Variants in NUDT13 observed in about 807,000 individuals in gnomAD.
The protein encoded by NUDT13 is NAD(P)H pyrophosphatase NUDT13, mitochondrial.
In NUDT13, 40 loss-of-function variants were observed where a neutral mutation model predicts 41.7. The observed-to-expected ratio is 0.96, with a 90% CI of 0.75 to 1.25. The LOEUF (loss-of-function observed/expected upper bound fraction) is 1.25. NUDT13 is among the 50% of genes most tolerant of loss of function. The probability of loss-of-function intolerance (pLI) is 0.00; values close to 1 mark genes in which losing one functional copy is unlikely to be tolerated. For synonymous variants in NUDT13, 145 were observed against 155.5 expected (o/e 0.93, Z 0.50); for missense variants, 390 against 416.1 (o/e 0.94, Z 0.55).
rs373709719 is a variant in NUDT13 at position 73,122,249 on chromosome 10, G to A, written c.298G>A (p.Glu100Lys). The stretch of plus-strand genomic sequence containing the variant: ...AGATTCTGTGCTGATTGGATGCTCT[G>A]AGCAGCAGGAAGCATGGTTTGCTCT... ...IEDSVLIGCS[E>K]QQEAWFALDL... Residue 100 changes from glutamate (E) to lysine (K), a missense_variant, in exon 4 of 9, where the codon GAG becomes AAG. Coordinates refer to ENST00000357321, the MANE Select transcript of NUDT13 (RefSeq NM_015901.6). 21 of 1,613,918 alleles carry A rather than the reference G, an allele frequency of 1.3e-5. No individual in the cohort carries two copies. In the South Asian group the frequency reaches 2.3e-4, roughly 18 times the overall value.
chr10:73,121,784 C>G (rs994326501), intron 3 of NUDT13, among the ~76,000 whole-genome samples: 1 of 152,122 alleles, frequency 6.6e-6, no homozygotes, highest in Non-Finnish European at 1.5e-5. Flanking sequence ...GTCCCAAACT[C>G]CTGGCCTCAA....
chr10:73,121,118 A>T (rs1249681876), intron 3 of NUDT13, among the ~76,000 whole-genome samples: 2 of 152,122 alleles, frequency 1.3e-5, no homozygotes, highest in Non-Finnish European at 2.9e-5. Context: ...TCATGCCTGT[A>T]ATCCCAGCAC....
At chr10:73,124,460 A>T in intron 5 of NUDT13, 140 bp downstream of exon 5, 1 of 623,360 alleles carries the variant, frequency 1.6e-6, no homozygotes, top group Non-Finnish European at 2.9e-6. Flanking sequence ...CTGGCAGGAC[A>T]ATGTGCTGTA....
intron 4 of NUDT13, 23 bp downstream of exon 4, chr10:73,122,332 G>C (rs766741945): frequency 1.3e-6 from 2 of 1,593,682 alleles, no homozygotes; most frequent in Non-Finnish European, 1.7e-6. Flanking sequence ...ATTCCTAACG[G>C]GTACTTCCCA....
At chr10:73,112,628 C>T (rs1395979817) in intron 1 of NUDT13, among the ~76,000 whole-genome samples, 1 of 151,772 alleles carries the variant, frequency 6.6e-6, no homozygotes, top group African/African-American at 2.4e-5. Flanking sequence ...CATCACCTCA[C>T]ATTTTTTGTG....
intron 1 of NUDT13, among the ~76,000 whole-genome samples, chr10:73,111,264 C>T (rs1008614445): frequency 2.6e-5 from 4 of 152,166 alleles, no homozygotes; most frequent in African/African-American, 9.7e-5. Flanking sequence ...AGACGTGAGC[C>T]ACCGCGCCCG....
At chr10:73,123,820 A>G (rs968235461) in intron 4 of NUDT13, among the ~76,000 whole-genome samples, 1 of 150,802 alleles carries the variant, frequency 6.6e-6, no homozygotes, top group Non-Finnish European at 1.5e-5. Context: ...CACCAAGCCC[A>G]GCTAATTTTT....
chr10:73,127,327 T>C (rs868070836), intron 8 of NUDT13, among the ~76,000 whole-genome samples: 30 of 151,590 alleles, frequency 2.0e-4, no homozygotes, highest in Admixed American at 6.6e-4. Flanking sequence ...TGCAGTGAGC[T>C]GAGGTCGCGC....
At chr10:73,112,990 C>A (rs565881137) in intron 1 of NUDT13, among the ~76,000 whole-genome samples, 10 of 152,118 alleles carry the variant, frequency 6.6e-5, no homozygotes, top group Non-Finnish European at 1.5e-4. Flanking sequence ...TAGGTTCAAG[C>A]GATTCTCCTG....
intron 4 of NUDT13, among the ~76,000 whole-genome samples, chr10:73,123,422 C>A (rs975202639): frequency 1.3e-5 from 2 of 152,086 alleles, no homozygotes; most frequent in Non-Finnish European, 2.9e-5. Flanking sequence ...ATGAGGTTCA[C>A]ATAGGAGCCA....
At chr10:73,116,601 G>A (rs1417450290) in intron 2 of NUDT13, among the ~76,000 whole-genome samples, 1 of 152,002 alleles carries the variant, frequency 6.6e-6, no homozygotes, top group Admixed American at 6.6e-5. Flanking sequence ...AATTAGCCAG[G>A]AATGGTGGCG....
At chr10:73,124,892 T>A (rs949772689) in intron 5 of NUDT13, 1 of 457,632 alleles carries the variant, frequency 2.2e-6, no homozygotes, top group Non-Finnish European at 3.8e-6. Flanking sequence ...TTTTAAATAA[T>A]AATACATTTA....
At chr10:73,113,209 G>A (rs1041127417) in intron 1 of NUDT13, among the ~76,000 whole-genome samples, 6 of 152,028 alleles carry the variant, frequency 3.9e-5, no homozygotes, top group African/African-American at 1.2e-4. Context: ...CTTAAGTCGC[G>A]TATTAATCCA....
chr10:73,125,548 T>G, intron 7 of NUDT13, 39 bp downstream of exon 7: 1 of 1,288,854 alleles, frequency 7.8e-7, no homozygotes, highest in Non-Finnish European at 1.1e-6. Flanking sequence ...CACTGGAAGA[T>G]ATACAATCTT....
rs143864075 is a variant in NUDT13, at chr10:73,114,436, T to G, written c.71T>G (p.Val24Gly). 1 of 1,578,146 alleles carries G rather than the reference T, an allele frequency of 6.3e-7. No homozygotes were observed. Among genetic ancestry groups the G allele is most frequent in the Non-Finnish European group, 8.6e-7 (1 of 1,157,240 alleles). The change falls in exon 2 of 9, where the codon GTT becomes GGT. Residue 24 changes from valine (V) to glycine (G), a missense_variant. Coordinates refer to ENST00000357321, the MANE Select transcript of NUDT13 (RefSeq NM_015901.6). The stretch of plus-strand genomic sequence containing the variant: ...TGCTATAGGCTGCTGTCAACCTATG[T>G]TACTAAGACACGGTGAGTTTTAGCC... ...FWCYRLLSTY[V>G]TKTRYLFELK...
intron 8 of NUDT13, among the ~76,000 whole-genome samples, chr10:73,127,498 ATTTAT>A (rs1842816509): frequency 6.6e-6 from 1 of 151,500 alleles, no homozygotes; most frequent in African/African-American, 2.4e-5. Flanking sequence ...TCACGAGACA[ATTTAT>A]TTTATTTTAT....
At chr10:73,126,191 TG>T in intron 7 of NUDT13, 1 of 247,370 alleles carries the variant, frequency 4.0e-6, no homozygotes, top group Non-Finnish European at 8.2e-6. Flanking sequence ...TTAGGCCCCC[TG>T]CTCTGAGCAC....
intron 8 of NUDT13, among the ~76,000 whole-genome samples, chr10:73,128,110 T>C (rs1842836587): frequency 6.6e-6 from 1 of 152,232 alleles, no homozygotes; most frequent in Non-Finnish European, 1.5e-5. Flanking sequence ...CTGCAGGATT[T>C]CCTTCCTTTT....
rs779947220 is a variant in NUDT13 at position 73,126,691 on chromosome 10, C to G, written c.722C>G (p.Thr241Ser). Reference sequence around the variant, plus strand: ...CTTGTAGGTGAAAGTGTGGAAGAGACCATCCGCCGAGAAGTTGCAGAAGAG... The same window carrying G: ...CTTGTAGGTGAAAGTGTGGAAGAGAGCATCCGCCGAGAAGTTGCAGAAGAG... The part of the protein sequence containing the change: ...FCDIGESVEE[T>S]IRREVAEEVG... The change falls in exon 8 of 9, where the codon ACC becomes AGC. Residue 241 changes from threonine (T) to serine (S), a missense_variant. Physicochemically the swap from Thr to Ser is moderately conservative, Grantham distance 58. Coordinates refer to ENST00000357321, the MANE Select transcript of NUDT13 (RefSeq NM_015901.6). The G allele has an allele frequency of 1.1e-5, 18 of 1,613,974 alleles. No homozygotes were observed. The highest frequency in any genetic ancestry group is 1.7e-6 in the Non-Finnish European group (2 of 1,179,992).
Sources: gnomAD v4.1 joint callset for allele counts (sites outside exome capture counted in the v4.1 genomes callset) on GRCh38, gnomAD v4.1.1 for gene constraint, MANE v1.5 for transcripts, NCBI Gene and HGNC (gene_info 2026-07-23, HGNC 2026-07-21) for gene names.